Variants in TCF12 observed in about 807,000 individuals in gnomAD.
TCF12 encodes DNA-binding protein HTF4.
A neutral mutation model predicts 86.0 loss-of-function variants in TCF12; 45 were observed. The observed-to-expected ratio is 0.52, with a 90% CI of 0.41 to 0.67. TCF12 has a LOEUF of 0.67. TCF12 is among the 30% of genes least tolerant of loss of function. TCF12 has a pLI of 0.00. For missense variants in TCF12, 881 were observed against 859.9 expected, an observed-to-expected ratio of 1.02 and a Z score of -0.31; for synonymous variants, 330 against 299.6, an observed-to-expected ratio of 1.10 and a Z score of -1.05.
chr15:57,063,851 A>C (rs377495519), intron 4 of TCF12, 28 bp downstream of exon 4: 27 of 1,530,528 alleles, frequency 1.8e-5, no homozygotes, highest in Middle Eastern at 3.5e-4. Context: ...CCCTTGATTA[A>C]AGCTGTAATT....
At chr15:57,270,897 T>C (rs1043984216) in intron 18 of TCF12, among the ~76,000 whole-genome samples, 3 of 152,318 alleles carry the variant, frequency 2.0e-5, no homozygotes, top group Admixed American at 2.0e-4. Context: ...CAGCGGAGGC[T>C]GCAGAACAGC....
intron 19 of TCF12, among the ~76,000 whole-genome samples, chr15:57,277,445 A>C (rs905449513): frequency 6.3e-4 from 96 of 151,910 alleles, no homozygotes; most frequent in African/African-American, 2.2e-3. Context: ...CCTTGGCAAC[A>C]TGGTGAAACC....
rs2058490642 is a variant in TCF12, at chr15:57,219,669, T to C, written c.580-11483T>C. 9 of 1,380,068 alleles carry C rather than the reference T, an allele frequency of 6.5e-6. No homozygotes were observed. In the Admixed American group the frequency reaches 1.7e-4, roughly 26 times the overall value. The allele number at this position is 1,380,068 out of a possible 1,614,324, so 85.5% of individuals were successfully genotyped here. ...ATACATTACTCGCTTTTTACTAAAA[T>C]CTGTGAGGTTTTGTTTTATCCTTTT... is the stretch of plus-strand genomic sequence containing the variant. On this transcript the variant is annotated intron_variant, in intron 8 of 20. Transcript: ENST00000333725.
intron 5 of TCF12, among the ~76,000 whole-genome samples, chr15:57,131,225 T>G (rs1483280312): frequency 6.6e-6 from 1 of 152,216 alleles, no homozygotes; most frequent in East Asian, 1.9e-4. Flanking sequence ...TGAATGCTGT[T>G]TAATTCTGCC....
At chr15:57,010,770 T>C (rs1486429881) in intron 3 of TCF12, among the ~76,000 whole-genome samples, 1 of 152,162 alleles carries the variant, frequency 6.6e-6, no homozygotes, top group Non-Finnish European at 1.5e-5. Context: ...TTCTAGAAAA[T>C]GTTTGGAGAC....
At chr15:57,154,551 C>T (rs1310151982) in intron 5 of TCF12, among the ~76,000 whole-genome samples, 1 of 152,136 alleles carries the variant, frequency 6.6e-6, no homozygotes, top group Non-Finnish European at 1.5e-5. Flanking sequence ...TTAGACTGTT[C>T]TTTTATGTTT....
chr15:57,276,011 T>G (rs1375941585), intron 19 of TCF12, among the ~76,000 whole-genome samples: 1 of 152,206 alleles, frequency 6.6e-6, no homozygotes, highest in East Asian at 1.9e-4. Flanking sequence ...CCATTTTTAT[T>G]CCCCAGCAGA....
chr15:57,209,327 A>G (rs1384644741), intron 8 of TCF12, among the ~76,000 whole-genome samples: 1 of 152,242 alleles, frequency 6.6e-6, no homozygotes, highest in African/African-American at 2.4e-5. Flanking sequence ...ACCAAAACCA[A>G]AACAGAAAGC....
intron 3 of TCF12, among the ~76,000 whole-genome samples, chr15:57,003,493 A>G (rs892008474): frequency 8.5e-5 from 13 of 152,188 alleles, no homozygotes; most frequent in Non-Finnish European, 1.0e-4. Context: ...AACACTAGGC[A>G]GCACTTACAA....
At chr15:57,006,229 A>G (rs1453026574) in intron 3 of TCF12, among the ~76,000 whole-genome samples, 7 of 152,204 alleles carry the variant, frequency 4.6e-5, no homozygotes, top group Admixed American at 1.3e-4. Context: ...TTGAGATTAG[A>G]TAAGGTTTTT....
At chr15:57,182,562 T>G (rs1389430098) in intron 6 of TCF12, among the ~76,000 whole-genome samples, 3 of 152,144 alleles carry the variant, frequency 2.0e-5, no homozygotes, top group Admixed American at 2.0e-4. Flanking sequence ...TTGCCTCATC[T>G]TATGGATCAT....
intron 5 of TCF12, among the ~76,000 whole-genome samples, chr15:57,104,638 G>A (rs117396802): frequency 0.04 from 6,102 of 151,486 alleles, 369 homozygotes; most frequent in Admixed American, 0.17. Context: ...GTTTTGTCAC[G>A]TTGGCCAGGC....
intron 11 of TCF12, among the ~76,000 whole-genome samples, chr15:57,233,463 C>A (rs947995522): frequency 2.0e-5 from 3 of 152,072 alleles, no homozygotes; most frequent in Non-Finnish European, 4.4e-5. Context: ...TAGACATGAC[C>A]CAGCACACGT....
chr15:57,184,697 C>A (rs2056563587), intron 6 of TCF12, among the ~76,000 whole-genome samples: 1 of 152,058 alleles, frequency 6.6e-6, no homozygotes, highest in Non-Finnish European at 1.5e-5. Context: ...GTACTACGAG[C>A]CATATTCTGA....
At chr15:57,201,988 G>A (rs1207782775) in intron 8 of TCF12, among the ~76,000 whole-genome samples, 12 of 152,136 alleles carry the variant, frequency 7.9e-5, no homozygotes, top group African/African-American at 1.2e-4. Flanking sequence ...ATATTTGTTA[G>A]CATCCTTTAC....
intron 3 of TCF12, among the ~76,000 whole-genome samples, chr15:57,058,109 A>G (rs1309697490): frequency 6.6e-6 from 1 of 152,204 alleles, no homozygotes; most frequent in Non-Finnish European, 1.5e-5. Flanking sequence ...AGTCCTCAAA[A>G]TACAGTGACC....
chr15:57,190,564 T>G (rs1450173531), intron 6 of TCF12, among the ~76,000 whole-genome samples: 3 of 152,168 alleles, frequency 2.0e-5, no homozygotes, highest in Non-Finnish European at 2.9e-5. Context: ...CCCTTCCTTT[T>G]GAGGTCTTCT....
At chr15:56,997,049 G>C (rs1405664844) in intron 3 of TCF12, among the ~76,000 whole-genome samples, 1 of 152,304 alleles carries the variant, frequency 6.6e-6, no homozygotes, top group Non-Finnish European at 1.5e-5. Flanking sequence ...TTCAGCCATT[G>C]TGGGAAGCAG....
At chr15:56,972,810 C>CA (rs1272106590) in intron 3 of TCF12, among the ~76,000 whole-genome samples, 1 of 152,122 alleles carries the variant, frequency 6.6e-6, no homozygotes, top group African/African-American at 2.4e-5. Context: ...CAAATGAACT[C>CA]ATCTGTATTT....
Sources: gnomAD v4.1 joint callset for allele counts (sites outside exome capture counted in the v4.1 genomes callset) on GRCh38, gnomAD v4.1.1 for gene constraint, MANE v1.5 for transcripts, NCBI Gene and HGNC (gene_info 2026-07-23, HGNC 2026-07-21) for gene names.